Variants in MRTFB observed in about 807,000 individuals in gnomAD.
MRTFB encodes myocardin-related transcription factor B.
MRTFB carries 29 observed loss-of-function variants against 104.2 expected under a neutral mutation model. The observed-to-expected ratio is 0.28, with a 90% CI of 0.21 to 0.38. The LOEUF (loss-of-function observed/expected upper bound fraction) is 0.38. Ranked by LOEUF, MRTFB falls within the 10% of genes least tolerant of loss-of-function variation. The probability of loss-of-function intolerance (pLI) is 1.00; values close to 1 mark genes in which losing one functional copy is unlikely to be tolerated. For missense variants in MRTFB, 1,270 were observed against 1,341.6 expected (o/e 0.95, Z 0.83); for synonymous variants, 535 against 519.5 (o/e 1.03, Z -0.41).
intron 3 of MRTFB, among the ~76,000 whole-genome samples, chr16:14,160,624 A>T (rs1002334687): frequency 2.0e-5 from 3 of 152,192 alleles, no homozygotes; most frequent in Admixed American, 1.3e-4. Flanking sequence ...TTATAAAGGT[A>T]CTTGCAGAAT....
At position 14,176,514 on chromosome 16, in the gene MRTFB, T is replaced by G. The variant is rs570654547; in HGVS notation, c.155-33729T>G. Among the ~76,000 whole-genome samples the G allele has an allele frequency of 2.0e-5, 3 of 152,338 alleles. No homozygotes were observed. In the East Asian group the frequency reaches 5.8e-4, roughly 29 times the overall value. On this transcript the variant is annotated intron_variant, in intron 3 of 16. Coordinates refer to ENST00000571589, the MANE Select transcript of MRTFB (RefSeq NM_001308142.2). ...GTTCTCCCAAGAATGACATAGCAAA[T>G]ACCATTTTAGATTCTTAGGAGAGAA...
At chr16:14,114,211 T>C (rs1323074234) in intron 2 of MRTFB, among the ~76,000 whole-genome samples, 1 of 152,250 alleles carries the variant, frequency 6.6e-6, no homozygotes, top group Non-Finnish European at 1.5e-5. Context: ...ATTTATTATT[T>C]TAAAATGCCC....
At chr16:14,173,184 G>A (rs891731522) in intron 3 of MRTFB, among the ~76,000 whole-genome samples, 11 of 151,566 alleles carry the variant, frequency 7.3e-5, no homozygotes, top group African/African-American at 2.2e-4. Context: ...GTGTTTTTCC[G>A]GCTTGCCTTG....
At chr16:14,252,534 C>T in intron 15 of MRTFB, 32 bp downstream of exon 15, 1 of 1,612,322 alleles carries the variant, frequency 6.2e-7, no homozygotes, top group South Asian at 1.1e-5. Flanking sequence ...GTGCATAAGG[C>T]TATGGTGGAT....
rs1596953582 is a variant in MRTFB at position 14,122,345 on chromosome 16, T to TA, written c.-63-18198dup. ...ACATGTGTAGAATATGCAGTTTTGT[T>TA]ACATGTATATACACGTGCCATGGTG... On this transcript the variant is annotated intron_variant, in intron 2 of 16. Coordinates refer to ENST00000571589, the MANE Select transcript of MRTFB (RefSeq NM_001308142.2). Among the ~76,000 whole-genome samples the TA allele has an allele frequency of 3.3e-5, 5 of 152,212 alleles. No individual in the cohort carries two copies. The East Asian group carries it at 9.6e-4, about 29-fold the overall frequency.
intron 3 of MRTFB, among the ~76,000 whole-genome samples, chr16:14,186,284 G>C (rs1445966271): frequency 6.6e-6 from 1 of 152,218 alleles, no homozygotes; most frequent in African/African-American, 2.4e-5. Context: ...ACATATGCTG[G>C]TAGCATGTTT....
At chr16:14,097,778 G>C (rs979312988) in intron 2 of MRTFB, among the ~76,000 whole-genome samples, 8 of 152,150 alleles carry the variant, frequency 5.3e-5, no homozygotes, top group African/African-American at 9.7e-5. Context: ...TCTGCTTTCT[G>C]TCTCTGTAGA....
At chr16:14,182,943 TAATA>T (rs1241572297) in intron 3 of MRTFB, among the ~76,000 whole-genome samples, 1 of 152,160 alleles carries the variant, frequency 6.6e-6, no homozygotes, top group Non-Finnish European at 1.5e-5. Context: ...GATGTGCCAC[TAATA>T]AATGTAGAAG....
At chr16:14,186,916 T>C in intron 3 of MRTFB, 1 of 1,598,268 alleles carries the variant, frequency 6.3e-7, no homozygotes, top group Non-Finnish European at 8.5e-7. Context: ...CCTCTCACCA[T>C]GATCGATAGC....
chr16:14,235,408 C>G (rs149202444), intron 9 of MRTFB, among the ~76,000 whole-genome samples: 2,088 of 152,314 alleles, frequency 0.014, 77 homozygotes, highest in Admixed American at 0.086. Flanking sequence ...GCATGCAACC[C>G]CGACGGCACA....
chr16:14,229,672 T>A (rs1054875754), intron 8 of MRTFB, among the ~76,000 whole-genome samples: 3 of 152,190 alleles, frequency 2.0e-5, no homozygotes, highest in East Asian at 1.9e-4. Context: ...CTGTTTTTTT[T>A]ATATTGTAGC....
the MRTFB span, among the ~76,000 whole-genome samples, chr16:14,030,429 G>A: frequency 6.6e-6 from 1 of 152,146 alleles, no homozygotes. Flanking sequence ...GTCATCATTT[G>A]TCTATGGCTC....
chr16:14,226,086 C>G (rs1427486675), intron 8 of MRTFB, among the ~76,000 whole-genome samples: 1 of 152,096 alleles, frequency 6.6e-6, no homozygotes, highest in African/African-American at 2.4e-5. Flanking sequence ...CAAGGCACTA[C>G]AAAGCATCAA....
chr16:14,087,149 G>A (rs1209972685), intron 2 of MRTFB, among the ~76,000 whole-genome samples: 1 of 152,126 alleles, frequency 6.6e-6, no homozygotes, highest in East Asian at 1.9e-4. Context: ...CAACACTCGG[G>A]GCTTACTTCT....
chr16:14,195,629 T>G, intron 3 of MRTFB: 1 of 920,564 alleles, frequency 1.1e-6, no homozygotes. Context: ...TCCTGTTTCG[T>G]TAATTGTTCT....
At chr16:14,244,022 C>G (rs1019039236) in intron 10 of MRTFB, among the ~76,000 whole-genome samples, 1 of 151,968 alleles carries the variant, frequency 6.6e-6, no homozygotes, top group Non-Finnish European at 1.5e-5. Flanking sequence ...GGGCTACAGG[C>G]GCCCGCCACC....
intron 16 of MRTFB, 123 bp from the exon 17 acceptor site, chr16:14,260,786 C>A (rs1597400577): frequency 3.8e-6 from 3 of 788,394 alleles, no homozygotes; most frequent in African/African-American, 1.8e-5. Flanking sequence ...TCTCTTCCTA[C>A]TTCTAAGACG....
chr16:14,071,407 G>T (rs1308307735), intron 1 of MRTFB, 42 bp downstream of exon 1: 1 of 155,578 alleles, frequency 6.4e-6, no homozygotes, highest in African/African-American at 2.4e-5. Flanking sequence ...CTGAGGCCGG[G>T]TGAGAGCGGC....
chr16:14,213,528 T>C lies in MRTFB; in HGVS notation c.277-17T>C, dbSNP rs200416798. On this transcript the variant is annotated splice_polypyrimidine_tract_variant and intron_variant, in intron 5 of 16. Transcript: ENST00000571589. The stretch of plus-strand genomic sequence containing the variant: ...AATAATAAATGATTTATGGTAAGAC[T>C]TTTTTTCTTTTTAAAGACTGAAAAC... The C allele has an allele frequency of 1.9e-6, 3 of 1,560,528 alleles. No individual in the cohort carries two copies. The Admixed American group carries it at 5.6e-5, about 29-fold the overall frequency.
Sources: allele counts gnomAD v4.1 joint callset (sites outside exome capture counted in the v4.1 genomes callset), GRCh38; gene constraint gnomAD v4.1.1; transcripts MANE v1.5; gene names NCBI Gene and HGNC (gene_info 2026-07-23, HGNC 2026-07-21).